UNC13C: variants seen among roughly 807,000 people sequenced by gnomAD.
UNC13C encodes the protein protein unc-13 homolog C.
Under a neutral mutation model 245.4 loss-of-function variants are expected in UNC13C, and 174 were observed. That is an observed-to-expected ratio of 0.71 (90% confidence interval 0.63 to 0.80). The LOEUF (loss-of-function observed/expected upper bound fraction) is 0.80, where lower values mean the gene tolerates loss of function less well. Among genes scored for constraint, UNC13C ranks in the 30% least tolerant of loss-of-function variants. The probability of loss-of-function intolerance (pLI) is 0.00; values close to 1 mark genes in which losing one functional copy is unlikely to be tolerated. For synonymous variants in UNC13C, 992 were observed against 895.1 expected (o/e 1.11, Z -1.93); for missense variants, 2,829 against 2,602.9 (o/e 1.09, Z -1.89).
chr15:54,129,820 T>C (rs1256787240), intron 2 of UNC13C, among the ~76,000 whole-genome samples: 1 of 151,522 alleles, frequency 6.6e-6, no homozygotes. Flanking sequence ...GATTTATACT[T>C]CCATTACAAC....
At chr15:54,248,929 GA>G (rs2036068956) in intron 7 of UNC13C, among the ~76,000 whole-genome samples, 1 of 152,210 alleles carries the variant, frequency 6.6e-6, no homozygotes. Context: ...CTGTGGAATT[GA>G]AAGTTAGTCA....
intron 30 of UNC13C, among the ~76,000 whole-genome samples, chr15:54,605,474 T>A (rs973008660): frequency 6.6e-6 from 1 of 152,190 alleles, no homozygotes; most frequent in African/African-American, 2.4e-5. Context: ...GGAGCCCCCA[T>A]ACTTGTAGGT....
intron 18 of UNC13C, among the ~76,000 whole-genome samples, chr15:54,398,815 C>G (rs1225269401): frequency 1.3e-5 from 2 of 151,518 alleles, no homozygotes; most frequent in East Asian, 3.9e-4. Flanking sequence ...TTTCCTCTCT[C>G]ATCCTTAATA....
intron 2 of UNC13C, among the ~76,000 whole-genome samples, chr15:54,134,272 G>GTT (rs5812742): frequency 0.019 from 2,833 of 146,268 alleles, 60 homozygotes; most frequent in East Asian, 0.054. Flanking sequence ...TATGAGTTCA[G>GTT]TTTTTTTTTT....
intron 4 of UNC13C, among the ~76,000 whole-genome samples, chr15:54,181,028 T>G (rs1336022602): frequency 6.6e-6 from 1 of 152,064 alleles, no homozygotes; most frequent in Non-Finnish European, 1.5e-5. Context: ...TTGTTTATGT[T>G]GTAAAATTGC....
the UNC13C span, among the ~76,000 whole-genome samples, chr15:53,953,521 G>A: frequency 6.6e-6 from 1 of 152,224 alleles, no homozygotes; most frequent in African/African-American, 2.4e-5. Context: ...GAGCAAAATA[G>A]AGATTCTCCT....
intron 29 of UNC13C, 135 bp downstream of exon 29, chr15:54,555,647 G>T (rs1172039789): frequency 4.6e-6 from 3 of 657,796 alleles, no homozygotes; most frequent in African/African-American, 3.6e-5. Flanking sequence ...AATAGATATA[G>T]GTTGGTGCAA....
the UNC13C span, among the ~76,000 whole-genome samples, chr15:53,882,530 G>T: frequency 6.6e-6 from 1 of 152,126 alleles, no homozygotes; most frequent in Non-Finnish European, 1.5e-5. Flanking sequence ...GGCAAGCCTT[G>T]ATGACTTGTA....
chr15:54,428,296 G>A (rs569986497), intron 19 of UNC13C, among the ~76,000 whole-genome samples: 1 of 151,598 alleles, frequency 6.6e-6, no homozygotes, highest in Non-Finnish European at 1.5e-5. Context: ...GGAAGGCCCC[G>A]CATTGTTGCT....
intron 8 of UNC13C, among the ~76,000 whole-genome samples, chr15:54,251,184 G>A (rs1408314943): frequency 2.0e-5 from 3 of 152,020 alleles, no homozygotes; most frequent in East Asian, 1.9e-4. Flanking sequence ...TTCTTTTTTC[G>A]AGCCTATCTG....
intron 7 of UNC13C, among the ~76,000 whole-genome samples, chr15:54,238,728 G>C (rs2035773528): frequency 1.3e-5 from 2 of 152,172 alleles, no homozygotes; most frequent in African/African-American, 4.8e-5. Flanking sequence ...CTTGTTGAAT[G>C]ATTCTACCAC....
Position 54,417,140 on chromosome 15 carries a change from T to A in UNC13C, c.4933+2073T>A, listed in dbSNP as rs905066283. On this transcript the variant is annotated intron_variant, in intron 19 of 32. Transcript: ENST00000260323. ...TGTGTCTTTTTTACCAAAATGTAAT[T>A]TTTTTGTCTATGACTTTTACCAACA... 5.7e-5 allele frequency: 20 copies of A among 353,218 alleles called. No homozygotes were observed. In the East Asian group the frequency reaches 1.5e-3, roughly 26 times the overall value. 21.9% of individuals were successfully genotyped at this position (353,218 alleles called of 1,614,324 possible).
At position 54,346,259 on chromosome 15, in the gene UNC13C, A is replaced by G. The variant is rs190683963; in HGVS notation, c.4713+7770A>G. ...CATTTAAAGAAAAAGGCAGTGCCTT[A>G]GTTACTTATTTGTAGTATCCTTCAG... On this transcript the variant is annotated intron_variant, in intron 17 of 32. Transcript: ENST00000260323. 5.4e-3 allele frequency among the ~76,000 whole-genome samples: 819 copies of G among 152,346 alleles called. 4 individuals are homozygous for G. The highest frequency in any genetic ancestry group is 0.01 in the Middle Eastern group (3 of 294).
At position 54,460,078 on chromosome 15, in the gene UNC13C, C is replaced by G. The variant is rs537336808; in HGVS notation, c.4934-34530C>G. On this transcript the variant is annotated intron_variant, in intron 19 of 32. Coordinates refer to ENST00000260323, the MANE Select transcript of UNC13C (RefSeq NM_001080534.3). ...AACTCTGCTGTTCAGATTATTTTTTCCCATTGGGTGATCCCTTGATATGGT... is the reference window on the plus strand; with the variant it reads ...AACTCTGCTGTTCAGATTATTTTTTGCCATTGGGTGATCCCTTGATATGGT... Among the ~76,000 whole-genome samples, 4 of 152,220 alleles carry G rather than the reference C, an allele frequency of 2.6e-5. No individual in the cohort carries two copies. In the South Asian group the frequency reaches 8.3e-4, roughly 32 times the overall value.
chr15:53,939,312 C>G, the UNC13C span, among the ~76,000 whole-genome samples: 21 of 152,218 alleles, frequency 1.4e-4, no homozygotes, highest in Admixed American at 1.3e-3. Flanking sequence ...CCTGAATAGA[C>G]CACTAATGAG....
Position 54,280,381 on chromosome 15 carries a change from A to G in UNC13C, c.3819-13514A>G, listed in dbSNP as rs886088279. On this transcript the variant is annotated intron_variant, in intron 10 of 32. Coordinates refer to ENST00000260323, the MANE Select transcript of UNC13C (RefSeq NM_001080534.3). ...CCATATTTGTCACAATTCAAAGTAG[A>G]TACATGTATCTACTTTGATAACAAT... is the stretch of plus-strand genomic sequence containing the variant. Among the ~76,000 whole-genome samples, 67 of 151,924 alleles carry G rather than the reference A, an allele frequency of 4.4e-4. 1 individual carries two copies. Among genetic ancestry groups the G allele is most frequent in the African/African-American group, 1.6e-3 (65 of 41,518 alleles).
At position 54,628,008 on chromosome 15, in the gene UNC13C, T is replaced by G. The variant is rs2141325545; in HGVS notation, c.*895T>G. 1 of 152,442 alleles carries G rather than the reference T, an allele frequency of 6.6e-6. No individual in the cohort carries two copies. Among genetic ancestry groups the G allele is most frequent in the East Asian group, 1.9e-4 (1 of 5,184 alleles). The allele number at this position is 152,442 out of a possible 1,614,324, so 9.4% of individuals were successfully genotyped here. A position where few individuals can be genotyped will look rare whatever the true frequency, so the allele number is the denominator to read the frequency against. On this transcript the variant is annotated 3_prime_UTR_variant, in exon 33 of 33. Coordinates refer to ENST00000260323, the MANE Select transcript of UNC13C (RefSeq NM_001080534.3). ...CTTTATTTTTAAAAATATTCAATGA[T>G]TAGTATTGAATGCAGCATTACTATA... is the stretch of plus-strand genomic sequence containing the variant.
At chr15:54,515,328 C>T (rs1398624549) in intron 24 of UNC13C, among the ~76,000 whole-genome samples, 2 of 152,118 alleles carry the variant, frequency 1.3e-5, no homozygotes, top group Admixed American at 1.3e-4. Flanking sequence ...AAATGATTAT[C>T]AGGGTGCCAT....
chr15:54,493,742 G>A (rs1243314921), intron 19 of UNC13C, among the ~76,000 whole-genome samples: 1 of 152,066 alleles, frequency 6.6e-6, no homozygotes, highest in Non-Finnish European at 1.5e-5. Flanking sequence ...TATGTTTACA[G>A]TTGTAGTGAA....
Sources: allele counts gnomAD v4.1 joint callset (sites outside exome capture counted in the v4.1 genomes callset), GRCh38; gene constraint gnomAD v4.1.1; transcripts MANE v1.5; gene names NCBI Gene and HGNC (gene_info 2026-07-23, HGNC 2026-07-21).